JAKMIP2: variants seen among roughly 807,000 people sequenced by gnomAD.
JAKMIP2 encodes janus kinase and microtubule-interacting protein 2.
Under a neutral mutation model 115.0 loss-of-function variants are expected in JAKMIP2, and 25 were observed. The observed-to-expected ratio is 0.22, with a 90% CI of 0.16 to 0.30. The LOEUF (loss-of-function observed/expected upper bound fraction) is 0.30. Ranked by LOEUF, JAKMIP2 falls within the 10% of genes least tolerant of loss-of-function variation. The pLI, the probability that JAKMIP2 is intolerant of heterozygous loss-of-function variation, is 1.00. For synonymous variants in JAKMIP2, 334 were observed against 343.6 expected, an observed-to-expected ratio of 0.97 and a Z score of 0.31; for missense variants, 642 against 957.6, an observed-to-expected ratio of 0.67 and a Z score of 4.35.
chr5:147,694,420 T>A (rs902559393), intron 1 of JAKMIP2, among the ~76,000 whole-genome samples: 10 of 152,172 alleles, frequency 6.6e-5, no homozygotes, highest in African/African-American at 2.4e-4. Context: ...CCACAAGCAG[T>A]CATTACCCCG....
At chr5:147,761,380 C>A (rs1252834876) in intron 1 of JAKMIP2, among the ~76,000 whole-genome samples, 1 of 151,902 alleles carries the variant, frequency 6.6e-6, no homozygotes, top group Non-Finnish European at 1.5e-5. Context: ...GGAGCATCAC[C>A]TTTTCCATTT....
chr5:147,636,743 C>G (rs190756986), intron 11 of JAKMIP2, among the ~76,000 whole-genome samples: 2 of 152,308 alleles, frequency 1.3e-5, no homozygotes, highest in East Asian at 3.9e-4. Context: ...CTCTGGCATT[C>G]TCTCTCTTGC....
chr5:147,640,152 GT>G (rs5872033), intron 9 of JAKMIP2, among the ~76,000 whole-genome samples: 2 of 151,880 alleles, frequency 1.3e-5, no homozygotes, highest in Non-Finnish European at 2.9e-5. Context: ...CCAGCAACTT[GT>G]TTTTTCCCCC....
chr5:147,713,900 T>G (rs541869095), intron 1 of JAKMIP2, among the ~76,000 whole-genome samples: 125 of 152,302 alleles, frequency 8.2e-4, no homozygotes, highest in African/African-American at 3.0e-3. Context: ...TGAGTACTCA[T>G]GACGACTGCA....
chr5:147,662,161 T>TACACACACACACACACAC (rs61492351), intron 2 of JAKMIP2, among the ~76,000 whole-genome samples: 1,798 of 147,074 alleles, frequency 0.012, 43 homozygotes, highest in African/African-American at 0.041. Context: ...CCCCAAGTTT[T>TACACACACACACACACAC]ACACACACAC....
chr5:147,771,097 A>T (rs1442203196), intron 1 of JAKMIP2, among the ~76,000 whole-genome samples: 1 of 152,156 alleles, frequency 6.6e-6, no homozygotes, highest in Non-Finnish European at 1.5e-5. Context: ...AATAACATTC[A>T]AATATATTTG....
chr5:147,628,716 C>G, intron 16 of JAKMIP2, 35 bp downstream of exon 16: 1 of 1,559,884 alleles, frequency 6.4e-7, no homozygotes. Context: ...AAGCCAGACA[C>G]CGAGATGATT....
Position 147,591,734 on chromosome 5 carries a change from G to A in JAKMIP2, c.*21-48C>T, listed in dbSNP as rs1051968709. The A allele has an allele frequency of 2.5e-6, 3 of 1,177,692 alleles. No individual in the cohort carries two copies. The African/African-American group carries it at 4.6e-5, about 18-fold the overall frequency. The allele number at this position is 1,177,692 out of a possible 1,614,324, so 73.0% of individuals were successfully genotyped here. The stretch of plus-strand genomic sequence containing the variant: ...TATTTATATATCAATTTTGTTAATA[G>A]CTGAATCATAAAAAACAAACTTTAA... On this transcript the variant is annotated intron_variant, in intron 21 of 21. Transcript: ENST00000616793.
At chr5:147,635,380 TA>T (rs532309817) in intron 12 of JAKMIP2, among the ~76,000 whole-genome samples, 115 of 150,678 alleles carry the variant, frequency 7.6e-4, no homozygotes, top group African/African-American at 2.6e-3. Flanking sequence ...TTTTATGTTT[TA>T]AAAACAGTAT....
chr5:147,698,142 A>G (rs992509428), intron 1 of JAKMIP2, among the ~76,000 whole-genome samples: 2 of 152,202 alleles, frequency 1.3e-5, no homozygotes, highest in African/African-American at 2.4e-5. Flanking sequence ...TGGAGTCCAA[A>G]GAGATCATTT....
intron 1 of JAKMIP2, among the ~76,000 whole-genome samples, chr5:147,687,621 CAGA>C (rs1192984557): frequency 6.6e-6 from 1 of 152,110 alleles, no homozygotes; most frequent in Non-Finnish European, 1.5e-5. Flanking sequence ...AGGTAACATG[CAGA>C]AGGAGGAGAG....
At chr5:147,661,640 G>T (rs577659686) in intron 2 of JAKMIP2, 195 bp from the exon 3 acceptor site, 14 of 579,680 alleles carry the variant, frequency 2.4e-5, no homozygotes, top group Non-Finnish European at 3.9e-5. Flanking sequence ...AATACCTGAG[G>T]ATATTTATAT....
At chr5:147,616,842 G>A (rs1004954110) in intron 19 of JAKMIP2, among the ~76,000 whole-genome samples, 6 of 152,120 alleles carry the variant, frequency 3.9e-5, no homozygotes, top group African/African-American at 1.4e-4. Flanking sequence ...AATCCACAAA[G>A]CTCCTGCCTG....
intron 2 of JAKMIP2, among the ~76,000 whole-genome samples, chr5:147,664,216 G>A (rs1352234115): frequency 1.3e-5 from 2 of 152,126 alleles, no homozygotes; most frequent in African/African-American, 4.8e-5. Flanking sequence ...GTTCTTAAAG[G>A]TTCATTTGGT....
chr5:147,746,358 G>A (rs114262204), intron 1 of JAKMIP2, among the ~76,000 whole-genome samples: 4,085 of 152,138 alleles, frequency 0.027, 84 homozygotes, highest in Middle Eastern at 0.078. Context: ...GACGAAAGAC[G>A]GGAATAGAGT....
chr5:147,734,236 A>G (rs540964980), intron 1 of JAKMIP2, among the ~76,000 whole-genome samples: 3 of 152,344 alleles, frequency 2.0e-5, no homozygotes, highest in African/African-American at 7.2e-5. Context: ...AATGGTGATC[A>G]TTAAAAAGTC....
rs56181946 is a variant in JAKMIP2, at chr5:147,587,946, C to CAAAAAA, written c.*3755_*3760dup. On this transcript the variant is annotated 3_prime_UTR_variant, in exon 22 of 22. Transcript: ENST00000616793. ...CCTGTATGAGCAGTTATTTGTGGGC[C>CAAAAAA]AAAAAAAAAAAAAAAAATTAAATCA... 8.8e-6 allele frequency: 1 copy of CAAAAAA among 113,186 alleles called. No individual in the cohort carries two copies. Among genetic ancestry groups the CAAAAAA allele is most frequent in the Non-Finnish European group, 1.9e-5 (1 of 52,108 alleles). The allele number at this position is 113,186 out of a possible 1,614,324, so 7.0% of individuals were successfully genotyped here. A position where few individuals can be genotyped will look rare whatever the true frequency, so the allele number is the denominator to read the frequency against.
chr5:147,745,579 G>A (rs923955626), intron 1 of JAKMIP2, among the ~76,000 whole-genome samples: 1 of 152,004 alleles, frequency 6.6e-6, no homozygotes, highest in Non-Finnish European at 1.5e-5. Context: ...GATTTTTATG[G>A]CCTTTTGTAC....
Position 147,651,702 on chromosome 5 carries a change from TG to T in JAKMIP2, c.628-1156del, listed in dbSNP as rs1178558297. 2.0e-5 allele frequency among the ~76,000 whole-genome samples: 3 copies of T among 152,194 alleles called. No individual in the cohort carries two copies. The East Asian group carries it at 5.8e-4, about 29-fold the overall frequency. ...ATATAAATATCTGTGAGCTACTGCC[TG>T]TGAGTCACATGCTTAAATTTTAGGT... is the stretch of plus-strand genomic sequence containing the variant. On this transcript the variant is annotated intron_variant, in intron 3 of 21. Transcript: ENST00000616793.
Sources: gnomAD v4.1 joint callset for allele counts (sites outside exome capture counted in the v4.1 genomes callset) on GRCh38, gnomAD v4.1.1 for gene constraint, MANE v1.5 for transcripts, NCBI Gene and HGNC (gene_info 2026-07-23, HGNC 2026-07-21) for gene names.